FAM13A: variants seen among roughly 807,000 people sequenced by gnomAD.
The protein encoded by FAM13A is protein FAM13A.
FAM13A carries 76 observed loss-of-function variants against 129.6 expected under a neutral mutation model. The ratio of observed to expected loss-of-function variants is 0.59; its 90% CI spans 0.49 to 0.71. The LOEUF is 0.71. Among genes scored for constraint, FAM13A ranks in the 30% least tolerant of loss-of-function variants. The pLI is 0.00. For missense variants in FAM13A, 1,108 were observed against 1,249.3 expected, an observed-to-expected ratio of 0.89 and a Z score of 1.70; for synonymous variants, 443 against 449.9, an observed-to-expected ratio of 0.98 and a Z score of 0.20.
rs1491349378 is a variant in FAM13A, at chr4:89,025,246, T to TTG, written c.217+4213_217+4214insCA. On this transcript the variant is annotated intron_variant, in intron 2 of 23. Coordinates refer to ENST00000264344, the MANE Select transcript of FAM13A (RefSeq NM_014883.4). ...CTAAAGGTTAACCATGGAATCATTG[T>TTG]TTTTTTTTTTTTTTTTTTTTTTTTT... Among the ~76,000 whole-genome samples the TTG allele has an allele frequency of 8.0e-3, 198 of 24,714 alleles. 14 individuals carry two copies. Among genetic ancestry groups the TTG allele is most frequent in the African/African-American group, 0.057 (192 of 3,374 alleles). The allele number at this position is 24,714 out of a possible 152,430, so 16.2% of individuals were successfully genotyped here.
chr4:88,821,521 A>G (rs981533096), intron 7 of FAM13A, among the ~76,000 whole-genome samples: 3 of 152,200 alleles, frequency 2.0e-5, no homozygotes, highest in African/African-American at 4.8e-5. Flanking sequence ...TAACAGTATA[A>G]AGATCTATTT....
At chr4:88,841,451 G>A (rs571739191) in intron 7 of FAM13A, among the ~76,000 whole-genome samples, 2 of 134,352 alleles carry the variant, frequency 1.5e-5, no homozygotes, top group African/African-American at 5.8e-5. Context: ...CCGAGATCAC[G>A]CCACTGCACT....
At chr4:88,886,170 C>T (rs527439948) in intron 6 of FAM13A, among the ~76,000 whole-genome samples, 2 of 152,348 alleles carry the variant, frequency 1.3e-5, no homozygotes, top group South Asian at 4.1e-4. Context: ...TACTGGGTAT[C>T]TACCCAGAGG....
chr4:88,970,111 A>G (rs1014003930), intron 4 of FAM13A, among the ~76,000 whole-genome samples: 4 of 152,256 alleles, frequency 2.6e-5, no homozygotes, highest in Non-Finnish European at 5.9e-5. Context: ...AGGATTATGA[A>G]AAGCTTATTA....
In FAM13A at chr4:88,928,682, T is replaced by C. The variant is rs182059116; in HGVS notation, c.759+9406A>G. Among the ~76,000 whole-genome samples, 14 of 141,272 alleles carry C rather than the reference T, an allele frequency of 9.9e-5. No homozygotes were observed. The Admixed American group carries it at 1.0e-3, about 10-fold the overall frequency. The allele number at this position is 141,272 out of a possible 152,430, so 92.7% of individuals were successfully genotyped here. A position where few individuals can be genotyped will look rare whatever the true frequency, so the allele number is the denominator to read the frequency against. On this transcript the variant is annotated intron_variant, in intron 5 of 23. Coordinates refer to ENST00000264344, the MANE Select transcript of FAM13A (RefSeq NM_014883.4). ...TTTCTATTCTTTAACTTTCAGCCTA[T>C]GTGTCTTTTTACATGTAAGGTGGGT...
intron 3 of FAM13A, 78 bp downstream of exon 3, chr4:89,020,382 G>T: frequency 1.9e-6 from 2 of 1,030,148 alleles, no homozygotes; most frequent in Non-Finnish European, 2.9e-6. Flanking sequence ...CTCCCAAAGT[G>T]TTGGGATTAT....
chr4:88,809,025 C>T (rs1209845578), intron 7 of FAM13A, among the ~76,000 whole-genome samples: 2 of 152,082 alleles, frequency 1.3e-5, no homozygotes. Context: ...TACAGCTTGA[C>T]ATTGGTTAAT....
At chr4:89,044,458 A>G (rs1254724736) in intron 1 of FAM13A, among the ~76,000 whole-genome samples, 1 of 152,214 alleles carries the variant, frequency 6.6e-6, no homozygotes, top group African/African-American at 2.4e-5. Flanking sequence ...GAAAAGTTGT[A>G]ACCCCTGTGC....
chr4:88,938,767 A>G (rs1754249600), intron 4 of FAM13A, among the ~76,000 whole-genome samples: 1 of 152,214 alleles, frequency 6.6e-6, no homozygotes, highest in East Asian at 1.9e-4. Flanking sequence ...ACTTAAAATT[A>G]TTCACAATAA....
At chr4:88,913,517 G>A (rs1749546256) in intron 5 of FAM13A, among the ~76,000 whole-genome samples, 1 of 145,318 alleles carries the variant, frequency 6.9e-6, no homozygotes, top group Non-Finnish European at 1.5e-5. Context: ...AGGAAGAAGA[G>A]GAGGAGGAGG....
chr4:88,896,389 G>T (rs1746331399), intron 6 of FAM13A, among the ~76,000 whole-genome samples: 1 of 151,922 alleles, frequency 6.6e-6, no homozygotes, highest in Non-Finnish European at 1.5e-5. Context: ...CCTGCACAAT[G>T]TGCACATGTA....
chr4:88,777,997 G>A (rs1722108193), intron 11 of FAM13A, among the ~76,000 whole-genome samples: 1 of 152,128 alleles, frequency 6.6e-6, no homozygotes, highest in South Asian at 2.1e-4. Context: ...TGCTTCTTAA[G>A]TTTCCTCAGC....
At chr4:88,826,820 C>A (rs1418175631) in intron 7 of FAM13A, among the ~76,000 whole-genome samples, 1 of 152,158 alleles carries the variant, frequency 6.6e-6, no homozygotes, top group African/African-American at 2.4e-5. Context: ...TGTATTGGAT[C>A]TCATCATTTT....
chr4:88,999,853 C>T (rs1487406055), intron 3 of FAM13A, among the ~76,000 whole-genome samples: 1 of 152,180 alleles, frequency 6.6e-6, no homozygotes, highest in African/African-American at 2.4e-5. Context: ...GCAAGCTAAT[C>T]ATCTGGCTAT....
chr4:88,920,907 G>A (rs924685633), intron 5 of FAM13A, among the ~76,000 whole-genome samples: 17 of 152,170 alleles, frequency 1.1e-4, no homozygotes, highest in African/African-American at 2.9e-4. Context: ...GAAGAATGTA[G>A]AAGCCTCAGG....
At chr4:88,888,252 G>T (rs1191139562) in intron 6 of FAM13A, among the ~76,000 whole-genome samples, 3 of 152,054 alleles carry the variant, frequency 2.0e-5, no homozygotes, top group Admixed American at 2.0e-4. Flanking sequence ...AGCACATATG[G>T]TTTATTCTGC....
At chr4:88,888,442 T>C (rs1170857838) in intron 6 of FAM13A, among the ~76,000 whole-genome samples, 1 of 152,176 alleles carries the variant, frequency 6.6e-6, no homozygotes, top group Non-Finnish European at 1.5e-5. Context: ...CTTTGGGTAT[T>C]ATAGCTGGCA....
chr4:88,817,142 T>C (rs1444745918), intron 7 of FAM13A, among the ~76,000 whole-genome samples: 1 of 152,172 alleles, frequency 6.6e-6, no homozygotes, highest in Non-Finnish European at 1.5e-5. Context: ...AGATTACCTA[T>C]GATATGATTA....
At position 88,742,033 on chromosome 4, in the gene FAM13A, C is replaced by T. The variant is rs1480365756; in HGVS notation, c.2467-2908G>A. Among the ~76,000 whole-genome samples, 3 of 152,168 alleles carry T rather than the reference C, an allele frequency of 2.0e-5. No individual in the cohort carries two copies. The East Asian group carries it at 5.8e-4, about 29-fold the overall frequency. ...AGATTAAAGTGCATCCTAATGTCAG[C>T]ACGTGACACATGGTGAAATATAATG... On this transcript the variant is annotated intron_variant, in intron 19 of 23. Coordinates refer to ENST00000264344, the MANE Select transcript of FAM13A (RefSeq NM_014883.4).
Sources: gnomAD v4.1 joint callset for allele counts (sites outside exome capture counted in the v4.1 genomes callset) on GRCh38, gnomAD v4.1.1 for gene constraint, MANE v1.5 for transcripts, NCBI Gene and HGNC (gene_info 2026-07-23, HGNC 2026-07-21) for gene names.